The following PLXDC2 variants were observed in gnomAD, a reference collection of about 807,000 sequenced individuals.
PLXDC2 encodes the protein plexin domain-containing protein 2.
Under a neutral mutation model 68.9 loss-of-function variants are expected in PLXDC2, and 40 were observed. That is an observed-to-expected ratio of 0.58 (90% CI 0.45 to 0.76). The LOEUF is 0.76. PLXDC2 is among the 30% of genes least tolerant of loss of function. PLXDC2 has a pLI of 0.00. For synonymous variants in PLXDC2, 243 were observed against 234.2 expected (o/e 1.04, Z -0.34); for missense variants, 644 against 661.9 (o/e 0.97, Z 0.30).
rs543508510 is a variant in PLXDC2, at chr10:19,959,631, G to A, written c.113-42144G>A. ...ATATTCGTATCTGAGATATATCACA[G>A]TGTAGAGTAAATAGCTTAGGTCTTT... On this transcript the variant is annotated intron_variant, in intron 1 of 13. Coordinates refer to ENST00000377252, the MANE Select transcript of PLXDC2 (RefSeq NM_032812.9). Among the ~76,000 whole-genome samples the A allele has an allele frequency of 4.6e-5, 7 of 152,280 alleles. No homozygotes were observed. In the Middle Eastern group the frequency reaches 0.01, roughly 222 times the overall value.
chr10:20,161,755 G>A (rs573050814), intron 6 of PLXDC2, among the ~76,000 whole-genome samples: 23 of 152,032 alleles, frequency 1.5e-4, no homozygotes, highest in Non-Finnish European at 3.2e-4. Flanking sequence ...AATGCGGCTG[G>A]GTGCAGTGGC....
intron 4 of PLXDC2, among the ~76,000 whole-genome samples, chr10:20,139,249 A>G (rs536554467): frequency 6.6e-6 from 1 of 152,338 alleles, no homozygotes; most frequent in East Asian, 1.9e-4. Flanking sequence ...ACTAGTTGTT[A>G]AGGCAAAATG....
chr10:20,262,549 A>G (rs532385137), intron 13 of PLXDC2, among the ~76,000 whole-genome samples: 1 of 152,218 alleles, frequency 6.6e-6, no homozygotes, highest in South Asian at 2.1e-4. Context: ...CAGGCTTCAG[A>G]GAGTCTGAGC....
In PLXDC2 at chr10:20,126,485, C is replaced by A. The variant is rs1272018859; in HGVS notation, c.542-16810C>A. ...ACACACGTTATATATGTATATATAACACACACGTTATATATGTATATATAA... is the reference window on the plus strand; with the variant it reads ...ACACACGTTATATATGTATATATAAAACACACGTTATATATGTATATATAA... On this transcript the variant is annotated intron_variant, in intron 4 of 13. Coordinates refer to ENST00000377252, the MANE Select transcript of PLXDC2 (RefSeq NM_032812.9). Among the ~76,000 whole-genome samples the A allele has an allele frequency of 1.3e-4, 2 of 15,794 alleles. 1 individual carries two copies. The highest frequency in any genetic ancestry group is 2.7e-4 in the Non-Finnish European group (2 of 7,422). The allele number at this position is 15,794 out of a possible 152,430, so 10.4% of individuals were successfully genotyped here. A position where few individuals can be genotyped will look rare whatever the true frequency, so the allele number is the denominator to read the frequency against.
At chr10:20,076,802 C>T (rs555484524) in intron 4 of PLXDC2, among the ~76,000 whole-genome samples, 32 of 152,238 alleles carry the variant, frequency 2.1e-4, no homozygotes, top group Admixed American at 6.5e-4. Flanking sequence ...TTGGGATGTC[C>T]GCTTGATCAC....
chr10:19,843,291 G>A (rs1322273188), intron 1 of PLXDC2, among the ~76,000 whole-genome samples: 1 of 151,950 alleles, frequency 6.6e-6, no homozygotes, highest in Non-Finnish European at 1.5e-5. Flanking sequence ...ACAATTTAAA[G>A]CTAAGGTATT....
At chr10:20,075,253 A>G (rs926986991) in intron 4 of PLXDC2, among the ~76,000 whole-genome samples, 1 of 152,162 alleles carries the variant, frequency 6.6e-6, no homozygotes, top group African/African-American at 2.4e-5. Flanking sequence ...CAGTGGCACA[A>G]TCACAGCTCA....
intron 4 of PLXDC2, among the ~76,000 whole-genome samples, chr10:20,135,044 C>T (rs1481593095): frequency 6.6e-6 from 1 of 152,132 alleles, no homozygotes; most frequent in Non-Finnish European, 1.5e-5. Flanking sequence ...TTTCTGGGCT[C>T]CACTTAGGTG....
At chr10:19,849,329 C>G (rs946615525) in intron 1 of PLXDC2, among the ~76,000 whole-genome samples, 1 of 151,844 alleles carries the variant, frequency 6.6e-6, no homozygotes, top group Non-Finnish European at 1.5e-5. Flanking sequence ...CTCACACATA[C>G]ACACACAAGT....
intron 2 of PLXDC2, among the ~76,000 whole-genome samples, chr10:20,042,194 C>T (rs1835695020): frequency 6.6e-6 from 1 of 152,156 alleles, no homozygotes; most frequent in Non-Finnish European, 1.5e-5. Flanking sequence ...TACCTGACTA[C>T]TGCCAGTTCA....
intron 1 of PLXDC2, among the ~76,000 whole-genome samples, chr10:19,980,393 G>T (rs965899275): frequency 6.6e-6 from 1 of 152,138 alleles, no homozygotes. Flanking sequence ...GCCTGTTAGG[G>T]CTGCTCTAAC....
At chr10:19,884,955 T>C (rs1350002194) in intron 1 of PLXDC2, among the ~76,000 whole-genome samples, 2 of 152,214 alleles carry the variant, frequency 1.3e-5, no homozygotes, top group Non-Finnish European at 1.5e-5. Context: ...TTGAACTAGT[T>C]GACAGTCCCA....
intron 1 of PLXDC2, among the ~76,000 whole-genome samples, chr10:19,837,297 T>G (rs1397262474): frequency 6.6e-6 from 1 of 152,096 alleles, no homozygotes; most frequent in African/African-American, 2.4e-5. Context: ...ACATAAGCCC[T>G]TCTTATCAGT....
intron 13 of PLXDC2, among the ~76,000 whole-genome samples, chr10:20,265,110 G>A (rs1344810513): frequency 6.6e-6 from 1 of 152,194 alleles, no homozygotes; most frequent in Non-Finnish European, 1.5e-5. Flanking sequence ...CCATGTGAAA[G>A]GATGGAAAAT....
chr10:20,020,209 G>A (rs1468925503), intron 2 of PLXDC2, among the ~76,000 whole-genome samples: 2 of 101,774 alleles, frequency 2.0e-5, no homozygotes, highest in East Asian at 7.3e-4. Context: ...TTGTAGAGAG[G>A]TTGTCTTATT....
intron 4 of PLXDC2, among the ~76,000 whole-genome samples, chr10:20,071,727 G>A (rs1044613702): frequency 1.3e-5 from 2 of 152,186 alleles, no homozygotes; most frequent in Non-Finnish European, 2.9e-5. Context: ...AATAGAGAAG[G>A]CTGACTGCAG....
chr10:19,968,633 GT>G (rs1348025657), intron 1 of PLXDC2, among the ~76,000 whole-genome samples: 1 of 152,134 alleles, frequency 6.6e-6, no homozygotes, highest in African/African-American at 2.4e-5. Flanking sequence ...AATCTGTTTG[GT>G]TTTGGGGCGG....
intron 4 of PLXDC2, among the ~76,000 whole-genome samples, chr10:20,080,797 C>G (rs998009100): frequency 2.0e-5 from 3 of 152,224 alleles, no homozygotes; most frequent in Admixed American, 6.5e-5. Flanking sequence ...AGGCAAACCA[C>G]TGTCCCCAAA....
At chr10:19,822,693 C>T (rs1836492720) in intron 1 of PLXDC2, among the ~76,000 whole-genome samples, 1 of 151,996 alleles carries the variant, frequency 6.6e-6, no homozygotes, top group Non-Finnish European at 1.5e-5. Context: ...GAGATGATAC[C>T]TTATTGTGAT....
Sources: allele counts gnomAD v4.1 joint callset (sites outside exome capture counted in the v4.1 genomes callset), GRCh38; gene constraint gnomAD v4.1.1; transcripts MANE v1.5; gene names NCBI Gene and HGNC (gene_info 2026-07-23, HGNC 2026-07-21).